The following SLC39A8 variants were observed in gnomAD, a reference collection of about 807,000 sequenced individuals.
SLC39A8 encodes metal cation symporter ZIP8.
Under a neutral mutation model 40.4 loss-of-function variants are expected in SLC39A8, and 15 were observed. The ratio of observed to expected loss-of-function variants is 0.37; its 90% confidence interval spans 0.25 to 0.57. SLC39A8 has a LOEUF of 0.57. Among genes scored for constraint, SLC39A8 ranks in the 20% least tolerant of loss-of-function variants. The pLI is 0.75. For synonymous variants in SLC39A8, 223 were observed against 221.6 expected, an observed-to-expected ratio of 1.01 and a Z score of -0.06; for missense variants, 472 against 558.8, an observed-to-expected ratio of 0.84 and a Z score of 1.57.
chr4:102,262,081 T>G lies in SLC39A8; in HGVS notation c.*963A>C, dbSNP rs768601694. The G allele has an allele frequency of 1.6e-5, 16 of 985,888 alleles. No homozygotes were observed. Among genetic ancestry groups the G allele is most frequent in the Non-Finnish European group, 1.9e-5 (16 of 829,938 alleles). The allele number at this position is 985,888 out of a possible 1,614,324, so 61.1% of individuals were successfully genotyped here. ...CTCTCGATCACACATAAGGAACATA[T>G]GTTTTCCAGTTAATCTGTCCTTGAT... On this transcript the variant is annotated 3_prime_UTR_variant, in exon 9 of 9. Coordinates refer to ENST00000356736, the MANE Select transcript of SLC39A8 (RefSeq NM_001135146.2).
intron 2 of SLC39A8, among the ~76,000 whole-genome samples, chr4:102,340,347 T>C (rs956931929): frequency 3.3e-5 from 5 of 152,166 alleles, no homozygotes; most frequent in Non-Finnish European, 2.9e-5. Context: ...ATAATTGCAA[T>C]ATATAATATG....
At chr4:102,329,558 G>A (rs1735356696) in intron 2 of SLC39A8, among the ~76,000 whole-genome samples, 1 of 149,034 alleles carries the variant, frequency 6.7e-6, no homozygotes, top group East Asian at 1.9e-4. Context: ...GGAAGATGGA[G>A]GTTGCAGTGA....
At chr4:102,265,045 C>A (rs1732040013) in intron 8 of SLC39A8, among the ~76,000 whole-genome samples, 1 of 152,114 alleles carries the variant, frequency 6.6e-6, no homozygotes, top group Admixed American at 6.5e-5. Context: ...TTGGAGTAGC[C>A]CTTTTAATTT....
intron 2 of SLC39A8, among the ~76,000 whole-genome samples, chr4:102,331,775 G>A (rs1374147745): frequency 1.3e-5 from 2 of 152,158 alleles, no homozygotes; most frequent in African/African-American, 4.8e-5. Context: ...ATAGTACAAG[G>A]CTACAGTAAC....
At chr4:102,311,559 T>C (rs982522811) in intron 3 of SLC39A8, among the ~76,000 whole-genome samples, 3 of 152,094 alleles carry the variant, frequency 2.0e-5, no homozygotes, top group Admixed American at 1.3e-4. Context: ...TATTCTTTAT[T>C]TTATCTACTA....
chr4:102,344,936 G>A (rs1221386180), intron 1 of SLC39A8, 21 bp from the exon 2 acceptor site: 3 of 1,236,176 alleles, frequency 2.4e-6, no homozygotes, highest in African/African-American at 3.1e-5. Context: ...GAGGACAAAG[G>A]GGGACAGAGA....
chr4:102,300,654 T>C (rs1336186727), intron 6 of SLC39A8, among the ~76,000 whole-genome samples: 3 of 152,038 alleles, frequency 2.0e-5, no homozygotes, highest in Admixed American at 2.0e-4. Context: ...GGAAAAACTT[T>C]GTTGAAGCAG....
chr4:102,260,433 T>A (rs188461109), downstream of SLC39A8, among the ~76,000 whole-genome samples: 3 of 152,352 alleles, frequency 2.0e-5, no homozygotes, highest in East Asian at 5.8e-4. Flanking sequence ...AAAAGGCTCT[T>A]TAAAGAGGGA....
At chr4:102,272,721 G>A (rs182613371) in intron 6 of SLC39A8, among the ~76,000 whole-genome samples, 6 of 152,238 alleles carry the variant, frequency 3.9e-5, no homozygotes, top group Admixed American at 1.3e-4. Flanking sequence ...CAACGCAGAA[G>A]GTAGGTGATT....
chr4:102,284,292 T>A (rs1733051806), intron 6 of SLC39A8, among the ~76,000 whole-genome samples: 1 of 152,216 alleles, frequency 6.6e-6, no homozygotes, highest in Non-Finnish European at 1.5e-5. Flanking sequence ...CATTCCATAT[T>A]CTATGTCCAC....
intron 3 of SLC39A8, among the ~76,000 whole-genome samples, chr4:102,309,405 C>A (rs752740889): frequency 6.6e-6 from 1 of 152,050 alleles, no homozygotes; most frequent in African/African-American, 2.4e-5. Flanking sequence ...CCTGGCCATG[C>A]CCTACAACTT....
chr4:102,320,214 T>TGA (rs1163741541), intron 2 of SLC39A8, among the ~76,000 whole-genome samples: 33 of 137,036 alleles, frequency 2.4e-4, no homozygotes, highest in African/African-American at 8.8e-4. Flanking sequence ...TATATATATA[T>TGA]GTATATATGT....
downstream of SLC39A8, among the ~76,000 whole-genome samples, chr4:102,259,040 C>A (rs1260719971): frequency 6.6e-6 from 1 of 152,210 alleles, no homozygotes; most frequent in Non-Finnish European, 1.5e-5. Flanking sequence ...ACTTCACCTG[C>A]AAAAGCACTT....
rs542895663 is a variant in SLC39A8, at chr4:102,281,151, C to T, written c.841-13072G>A. Among the ~76,000 whole-genome samples the T allele has an allele frequency of 2.0e-5, 3 of 152,246 alleles. No individual in the cohort carries two copies. In the East Asian group the frequency reaches 5.8e-4, roughly 29 times the overall value. The stretch of plus-strand genomic sequence containing the variant: ...ATAAAAAGCCCATAAAATGTACCTC[C>T]CCGCCTACACAACTCTCATTCTTAC... On this transcript the variant is annotated intron_variant, in intron 6 of 8. Coordinates refer to ENST00000356736, the MANE Select transcript of SLC39A8 (RefSeq NM_001135146.2).
rs367551058 is a variant in SLC39A8 at position 102,300,488 on chromosome 4, C to T, written c.840+3829G>A. 3.3e-5 allele frequency among the ~76,000 whole-genome samples: 5 copies of T among 151,984 alleles called. 1 individual carries two copies. Among genetic ancestry groups the T allele is most frequent in the East Asian group, 3.9e-4 (2 of 5,160 alleles). ...GTCATACAGTTTAAGTATTCTATAA[C>T]ATGTCTTTGTTCTTTCTACATTTCA... On this transcript the variant is annotated intron_variant, in intron 6 of 8. Transcript: ENST00000356736.
At chr4:102,275,367 G>T (rs1286150293) in intron 6 of SLC39A8, among the ~76,000 whole-genome samples, 1 of 151,852 alleles carries the variant, frequency 6.6e-6, no homozygotes, top group Admixed American at 6.6e-5. Flanking sequence ...AACCAACAAA[G>T]ATCAAAAAAG....
At chr4:102,303,623 C>A (rs1734009175) in intron 6 of SLC39A8, among the ~76,000 whole-genome samples, 1 of 151,576 alleles carries the variant, frequency 6.6e-6, no homozygotes. Context: ...TTCCTAGGTT[C>A]TTGTTTTTCC....
chr4:102,263,299 C>T, intron 8 of SLC39A8, 106 bp from the exon 9 acceptor site: 2 of 932,788 alleles, frequency 2.1e-6, no homozygotes, highest in Non-Finnish European at 3.3e-6. Flanking sequence ...GGTTCCAGAC[C>T]AGTGTGATAA....
At chr4:102,293,173 A>T (rs555005153) in intron 6 of SLC39A8, among the ~76,000 whole-genome samples, 2 of 152,040 alleles carry the variant, frequency 1.3e-5, no homozygotes, top group Non-Finnish European at 2.9e-5. Flanking sequence ...CCAAGTACAG[A>T]TTACCTATAT....
Sources: gnomAD v4.1 joint callset for allele counts (sites outside exome capture counted in the v4.1 genomes callset) on GRCh38, gnomAD v4.1.1 for gene constraint, MANE v1.5 for transcripts, NCBI Gene and HGNC (gene_info 2026-07-23, HGNC 2026-07-21) for gene names.